The following AFF3 variants were observed in gnomAD, a reference collection of about 807,000 sequenced individuals.
The protein encoded by AFF3 is AF4/FMR2 family member 3.
Under a neutral mutation model 129.7 loss-of-function variants are expected in AFF3, and 32 were observed. The observed-to-expected ratio is 0.25, with a 90% CI of 0.19 to 0.33. The LOEUF (loss-of-function observed/expected upper bound fraction) is 0.33. AFF3 is among the 10% of genes least tolerant of loss of function. The pLI, the probability that AFF3 is intolerant of heterozygous loss-of-function variation, is 1.00. For missense variants in AFF3, 1,373 were observed against 1,592.0 expected, an observed-to-expected ratio of 0.86 and a Z score of 2.34; for synonymous variants, 644 against 635.4, an observed-to-expected ratio of 1.01 and a Z score of -0.20.
chr2:100,088,252 A>G (rs1453726292), intron 4 of AFF3, among the ~76,000 whole-genome samples: 1 of 152,094 alleles, frequency 6.6e-6, no homozygotes, highest in Non-Finnish European at 1.5e-5. Context: ...AGATGACATA[A>G]TCATGTGTAT....
At chr2:99,672,176 TCTCACACACACACACACACACA>T (rs1205903640) in intron 12 of AFF3, among the ~76,000 whole-genome samples, 2 of 37,260 alleles carry the variant, frequency 5.4e-5, no homozygotes, top group Non-Finnish European at 1.1e-4. Flanking sequence ...CCAGTTAGCT[TCTCACACACACACACACACACA>T]CACACACACA....
chr2:99,819,072 G>A (rs7608476), intron 8 of AFF3, among the ~76,000 whole-genome samples: 12,956 of 152,238 alleles, frequency 0.085, 1,845 homozygotes, highest in African/African-American at 0.29. Flanking sequence ...TTTACCTGGC[G>A]TATGCACCTA....
chr2:100,054,041 ACAGT>A (rs1403682712), intron 4 of AFF3, among the ~76,000 whole-genome samples: 2 of 152,166 alleles, frequency 1.3e-5, no homozygotes, highest in Non-Finnish European at 2.9e-5. Context: ...CTTCCATTTA[ACAGT>A]CAGTCTAACC....
chr2:100,111,360 T>C (rs1435457581), intron 2 of AFF3, among the ~76,000 whole-genome samples: 2 of 152,262 alleles, frequency 1.3e-5, no homozygotes, highest in Admixed American at 6.5e-5. Flanking sequence ...CTGTGATTAC[T>C]TCCTTACATG....
rs1445551116 is a variant in AFF3 at position 99,550,224 on chromosome 2, G to A, written c.*1250C>T. ...AAACAAGAGAAAAACTCAGAGCAAGGTGTAAACATACCAGACACACAGGAC... is the reference window on the plus strand; with the variant it reads ...AAACAAGAGAAAAACTCAGAGCAAGATGTAAACATACCAGACACACAGGAC... On this transcript the variant is annotated 3_prime_UTR_variant, in exon 25 of 25. Coordinates refer to ENST00000672756, the MANE Select transcript of AFF3 (RefSeq NM_001386135.1). 4.3e-6 allele frequency: 1 copy of A among 230,940 alleles called. No individual in the cohort carries two copies. The allele number at this position is 230,940 out of a possible 1,614,324, so 14.3% of individuals were successfully genotyped here.
chr2:99,885,648 T>C (rs1441274475), intron 7 of AFF3, among the ~76,000 whole-genome samples: 1 of 152,150 alleles, frequency 6.6e-6, no homozygotes, highest in African/African-American at 2.4e-5. Flanking sequence ...TTTTAAGTCT[T>C]GACAATTCCA....
At chr2:99,610,427 T>C (rs904286175) in intron 13 of AFF3, among the ~76,000 whole-genome samples, 10 of 152,240 alleles carry the variant, frequency 6.6e-5, no homozygotes, top group Non-Finnish European at 1.0e-4. Flanking sequence ...AATTTATTCA[T>C]AGTAAGTGTC....
intron 8 of AFF3, among the ~76,000 whole-genome samples, chr2:99,826,993 G>A (rs1441490595): frequency 6.6e-6 from 1 of 152,010 alleles, no homozygotes; most frequent in Non-Finnish European, 1.5e-5. Flanking sequence ...GTGAGGAACT[G>A]AACATGGTGA....
intron 13 of AFF3, among the ~76,000 whole-genome samples, chr2:99,632,160 C>A (rs1683183515): frequency 6.6e-6 from 1 of 151,844 alleles, no homozygotes. Flanking sequence ...GGATTACAGG[C>A]ACCCACCATC....
chr2:99,768,274 C>T (rs1469459763), intron 8 of AFF3, among the ~76,000 whole-genome samples: 1 of 152,032 alleles, frequency 6.6e-6, no homozygotes, highest in African/African-American at 2.4e-5. Context: ...GAGTGAAACC[C>T]CCCAGGATCC....
intron 13 of AFF3, among the ~76,000 whole-genome samples, chr2:99,612,129 T>G (rs962485530): frequency 8.5e-5 from 13 of 152,192 alleles, no homozygotes; most frequent in African/African-American, 2.9e-4. Flanking sequence ...ATGTTTGTTT[T>G]ATATGTAACA....
chr2:99,632,420 G>C (rs1416021514), intron 13 of AFF3, among the ~76,000 whole-genome samples: 2 of 152,146 alleles, frequency 1.3e-5, no homozygotes, highest in African/African-American at 4.8e-5. Context: ...GTTTAAACCA[G>C]GACACTTTTA....
rs954130034 is a variant in AFF3 at position 99,708,431 on chromosome 2, G to T, written c.1091+18646C>A. On this transcript the variant is annotated intron_variant, in intron 11 of 24. Coordinates refer to ENST00000672756, the MANE Select transcript of AFF3 (RefSeq NM_001386135.1). ...CTTATATTAAAGAAGTCCATCCCAG[G>T]TTTCAGGTCTCACTCGGTGTCAGGC... Among the ~76,000 whole-genome samples the T allele has an allele frequency of 2.0e-5, 3 of 152,090 alleles. No individual in the cohort carries two copies. The East Asian group carries it at 5.8e-4, about 29-fold the overall frequency.
chr2:99,585,718 ATTTTCTTT>A (rs1291190093), intron 16 of AFF3, among the ~76,000 whole-genome samples: 1 of 151,924 alleles, frequency 6.6e-6, no homozygotes, highest in Non-Finnish European at 1.5e-5. Context: ...AATCACAGCT[ATTTTCTTT>A]TTTTCTTTTT....
chr2:99,697,906 T>C (rs190354677), intron 11 of AFF3, among the ~76,000 whole-genome samples: 16 of 152,390 alleles, frequency 1.0e-4, no homozygotes, highest in Admixed American at 2.6e-4. Context: ...AACAAATACC[T>C]GACTTTGTGA....
chr2:99,758,229 C>T (rs1358279633), intron 8 of AFF3, among the ~76,000 whole-genome samples: 2 of 152,190 alleles, frequency 1.3e-5, no homozygotes, highest in African/African-American at 4.8e-5. Flanking sequence ...TAGCAGTCCA[C>T]CCTCCACACT....
intron 8 of AFF3, among the ~76,000 whole-genome samples, chr2:99,775,157 C>T (rs1464729510): frequency 6.6e-6 from 1 of 152,164 alleles, no homozygotes; most frequent in African/African-American, 2.4e-5. Flanking sequence ...TAAATTCAAC[C>T]ATCGTGGAAG....
chr2:99,915,319 G>T (rs757639965), intron 7 of AFF3, among the ~76,000 whole-genome samples: 7 of 152,146 alleles, frequency 4.6e-5, no homozygotes, highest in African/African-American at 1.7e-4. Context: ...ATAATGTCAC[G>T]GACAGCATGG....
chr2:99,896,319 A>G (rs1693942041), intron 7 of AFF3, among the ~76,000 whole-genome samples: 2 of 151,992 alleles, frequency 1.3e-5, no homozygotes, highest in Non-Finnish European at 2.9e-5. Flanking sequence ...ACTATCAGGG[A>G]CCTCTGAAGC....
Sources: gnomAD v4.1 joint callset for allele counts (sites outside exome capture counted in the v4.1 genomes callset) on GRCh38, gnomAD v4.1.1 for gene constraint, MANE v1.5 for transcripts, NCBI Gene and HGNC (gene_info 2026-07-23, HGNC 2026-07-21) for gene names.